The following GREB1 variants were observed in gnomAD, a reference collection of about 807,000 sequenced individuals.
GREB1 encodes the protein protein GREB1.
GREB1 carries 106 observed loss-of-function variants against 200.7 expected under a neutral mutation model. The ratio of observed to expected loss-of-function variants is 0.53; its 90% CI spans 0.45 to 0.62. The LOEUF is 0.62. Among genes scored for constraint, GREB1 ranks in the 20% least tolerant of loss-of-function variants. GREB1 has a pLI of 0.00. For missense variants in GREB1, 2,243 were observed against 2,556.8 expected (o/e 0.88, Z 2.65); for synonymous variants, 1,132 against 1,092.4 (o/e 1.04, Z -0.72).
chr2:11,496,378 A>G (rs1208991909), intron 1 of GREB1, among the ~76,000 whole-genome samples: 1 of 152,164 alleles, frequency 6.6e-6, no homozygotes, highest in African/African-American at 2.4e-5. Flanking sequence ...TACATGAGTG[A>G]AAAGGACTGG....
At chr2:11,483,440 G>GGTGT (rs151273001) in intron 1 of GREB1, among the ~76,000 whole-genome samples, 1 of 150,706 alleles carries the variant, frequency 6.6e-6, no homozygotes, top group Non-Finnish European at 1.5e-5. Context: ...GTATTGCAAG[G>GGTGT]GTGTGTGTGT....
At position 11,633,310 on chromosome 2, in the gene GREB1, C is replaced by T. The variant is rs1192998417; in HGVS notation, c.4991+247C>T. Among the ~76,000 whole-genome samples the T allele has an allele frequency of 3.3e-5, 5 of 152,014 alleles. No homozygotes were observed. Among genetic ancestry groups the T allele is most frequent in the South Asian group, 2.1e-4 (1 of 4,826 alleles). On this transcript the variant is annotated intron_variant, in intron 28 of 32. Transcript: ENST00000381486. This position sits in a 1 kb window ranked among gnomAD's most constrained non-coding sequence, Gnocchi z 4.1. ...GGGCGCGGTGGCTCATGCCTGTAAT[C>T]CCAGCACTTTGGGAGGCTGAGGTGG...
At chr2:11,501,915 T>G (rs1337797471) in intron 1 of GREB1, among the ~76,000 whole-genome samples, 31 of 114,462 alleles carry the variant, frequency 2.7e-4, no homozygotes, top group African/African-American at 8.7e-4. Context: ...GTTTTTTTTT[T>G]TTTTTTTTTT....
intron 24 of GREB1, among the ~76,000 whole-genome samples, chr2:11,626,594 A>G (rs1684478651): frequency 6.6e-6 from 1 of 152,194 alleles, no homozygotes; most frequent in Admixed American, 6.5e-5. Context: ...TCTCCAAAAA[A>G]CAAACAAAAA....
At chr2:11,490,804 C>G (rs1468138602) in intron 1 of GREB1, among the ~76,000 whole-genome samples, 1 of 152,212 alleles carries the variant, frequency 6.6e-6, no homozygotes, top group Non-Finnish European at 1.5e-5. Flanking sequence ...CCGCCTTGGC[C>G]TCCCAAAGTG....
intron 19 of GREB1, among the ~76,000 whole-genome samples, chr2:11,614,273 C>T (rs531901146): frequency 3.0e-4 from 46 of 151,892 alleles, no homozygotes; most frequent in Admixed American, 2.1e-3. Flanking sequence ...ATTATAGGCA[C>T]CTGCCTCCAC....
At chr2:11,559,693 G>A (rs918852043) in intron 2 of GREB1, among the ~76,000 whole-genome samples, 3 of 152,232 alleles carry the variant, frequency 2.0e-5, no homozygotes, top group South Asian at 2.1e-4. Flanking sequence ...TTCTGTGTCC[G>A]ACATGGAGAC....
chr2:11,575,264 G>C (rs976817640), intron 4 of GREB1, among the ~76,000 whole-genome samples: 2 of 152,202 alleles, frequency 1.3e-5, no homozygotes, highest in Admixed American at 1.3e-4. Flanking sequence ...AAAGAAACCA[G>C]ACATACCAGT....
chr2:11,593,015 C>G lies in GREB1; in HGVS notation c.1585C>G (p.Leu529Val). 6.2e-7 allele frequency: 1 copy of G among 1,613,076 alleles called. No homozygotes were observed. The highest frequency in any genetic ancestry group is 8.5e-7 in the Non-Finnish European group (1 of 1,179,670). Residue 529 changes from leucine to valine, a missense_variant, in exon 11 of 33, where the codon CTC becomes GTC. This residue lies in a region of GREB1 where 1,178 missense variants were observed against 1,387.4 expected (regional missense o/e 0.85). Transcript: ENST00000381486. The stretch of plus-strand genomic sequence containing the variant: ...GTGTGCTTACTCCCTGGCCGAGGGC[C>G]TCTCCGAGATGTTCCGGCTGTTGGT... ...IECAYSLAEG[L>V]SEMFRLLVEG...
intron 1 of GREB1, chr2:11,540,050 G>A (rs1387810155): frequency 1.3e-5 from 2 of 152,314 alleles, no homozygotes; most frequent in Non-Finnish European, 2.9e-5. Context: ...ACCTCTGCTG[G>A]GCTTAGCCTC....
chr2:11,581,311 T>G, intron 7 of GREB1: 1 of 406,378 alleles, frequency 2.5e-6, no homozygotes, highest in Middle Eastern at 6.5e-4. Context: ...TGAGGTGCTG[T>G]ATGAAAGGTC....
intron 1 of GREB1, among the ~76,000 whole-genome samples, chr2:11,516,487 TCA>T (rs1673505508): frequency 6.6e-6 from 1 of 152,106 alleles, no homozygotes; most frequent in African/African-American, 2.4e-5. Context: ...TACAACATAG[TCA>T]CATCACCCAG....
At chr2:11,562,891 G>A in intron 3 of GREB1, 1 of 236,120 alleles carries the variant, frequency 4.2e-6, no homozygotes, top group Non-Finnish European at 8.2e-6. Flanking sequence ...TTGGTTGCTT[G>A]GAACCTAGAA....
Position 11,637,769 on chromosome 2 carries a change from C to T in GREB1, c.5400C>T (p.Asp1800=). The change falls in exon 31 of 33, where the codon GAC becomes GAT. Residue 1800 remains aspartate (D), a synonymous_variant. Coordinates refer to ENST00000381486, the MANE Select transcript of GREB1 (RefSeq NM_014668.4). ...CGGCCCAGTACATCTGTGCCCCGGA[C>T]AGCAAGCACACGTTCCTCGCAGCGC... is the stretch of plus-strand genomic sequence containing the variant. ...VVPAQYICAP[D]SKHTFLAAPA... 2.5e-6 allele frequency: 4 copies of T among 1,614,050 alleles called. No individual in the cohort carries two copies. Among genetic ancestry groups the T allele is most frequent in the South Asian group, 1.1e-5 (1 of 91,084 alleles).
At chr2:11,583,868 A>G (rs888373346) in intron 7 of GREB1, among the ~76,000 whole-genome samples, 3 of 152,192 alleles carry the variant, frequency 2.0e-5, no homozygotes, top group South Asian at 4.1e-4. Context: ...TCGAAAAAAA[A>G]AATCACCAGG....
intron 4 of GREB1, among the ~76,000 whole-genome samples, chr2:11,574,413 G>A (rs1157789424): frequency 2.6e-5 from 4 of 152,186 alleles, no homozygotes; most frequent in Admixed American, 6.5e-5. Flanking sequence ...GGGAATAGGC[G>A]TCGGAGCAGG....
intron 9 of GREB1, chr2:11,588,513 G>T: frequency 1.7e-6 from 1 of 586,636 alleles, no homozygotes. Flanking sequence ...TGGACGAAAT[G>T]AACCAGCAAG....
chr2:11,635,980 C>T (rs549183474), intron 30 of GREB1, among the ~76,000 whole-genome samples: 2 of 152,358 alleles, frequency 1.3e-5, no homozygotes, highest in Admixed American at 1.3e-4. Context: ...TTCTCTGTCA[C>T]TTCTGTCTGT....
chr2:11,624,820 AT>A (rs35822565), intron 23 of GREB1, among the ~76,000 whole-genome samples: 44,317 of 150,934 alleles, frequency 0.29, 6,895 homozygotes, highest in South Asian at 0.39. Flanking sequence ...TATTTTTGCA[AT>A]TTTTTTTTTA....
Sources: gnomAD v4.1 joint callset for allele counts (sites outside exome capture counted in the v4.1 genomes callset) on GRCh38, gnomAD v4.1.1 for gene constraint, gnomAD v4.1.1 regional missense constraint, Gnocchi (gnomAD v3.1) non-coding constraint, MANE v1.5 for transcripts, NCBI Gene and HGNC (gene_info 2026-07-23, HGNC 2026-07-21) for gene names.